POR: variants seen among roughly 807,000 people sequenced by gnomAD.
POR encodes cytochrome p450 oxidoreductase, also known as NADPH--cytochrome P450 reductase.
A neutral mutation model predicts 84.0 loss-of-function variants in POR; 56 were observed. The ratio of observed to expected loss-of-function variants is 0.67; its 90% CI spans 0.54 to 0.83. POR has a LOEUF of 0.83. POR is among the 40% of genes least tolerant of loss of function. The pLI is 0.00. For synonymous variants in POR, 414 were observed against 400.5 expected (o/e 1.03, Z -0.40); for missense variants, 938 against 944.3 (o/e 0.99, Z 0.09).
chr7:75,967,977 G>A, intron 2 of POR: 1 of 451,960 alleles, frequency 2.2e-6, no homozygotes, highest in Non-Finnish European at 4.4e-6. Context: ...TACGGAACAG[G>A]GGATGCACAG....
intron 2 of POR, among the ~76,000 whole-genome samples, chr7:75,954,910 G>A (rs1323421864): frequency 6.6e-6 from 1 of 152,066 alleles, no homozygotes; most frequent in Non-Finnish European, 1.5e-5. Flanking sequence ...GTCTCACCAT[G>A]TTGGCCAGGC....
At position 75,985,906 on chromosome 7, in the gene POR, C is replaced by A; in HGVS notation, c.1670-17C>A. On this transcript the variant is annotated splice_polypyrimidine_tract_variant and intron_variant, in intron 13 of 15. Coordinates refer to ENST00000461988, the MANE Select transcript of POR (RefSeq NM_000941.3). ...ACGACTGGGAGCCCCGCGCTCACCCCGGCCCCTGCCACGCAGGCAAGGAGG... is the reference window on the plus strand; with the variant it reads ...ACGACTGGGAGCCCCGCGCTCACCCAGGCCCCTGCCACGCAGGCAAGGAGG... The A allele has an allele frequency of 6.4e-7, 1 of 1,570,576 alleles. No homozygotes were observed. Among genetic ancestry groups the A allele is most frequent in the Non-Finnish European group, 8.6e-7 (1 of 1,157,004 alleles).
intron 1 of POR, among the ~76,000 whole-genome samples, chr7:75,931,874 C>T (rs1363349805): frequency 6.6e-6 from 1 of 152,206 alleles, no homozygotes; most frequent in Admixed American, 6.5e-5. Context: ...ACCAGAAAAG[C>T]TGAGGCCACT....
Position 75,985,778 on chromosome 7 carries a change from T to C in POR, c.1598T>C (p.Met533Thr). 1 of 1,575,706 alleles carries C rather than the reference T, an allele frequency of 6.3e-7. No homozygotes were observed. The highest frequency in any genetic ancestry group is 8.6e-7 in the Non-Finnish European group (1 of 1,161,556). ...TTCAAGGCCACCACGCCTGTCATCA[T>C]GGTGGGCCCCGGCACCGGGGTGGCA... Residue 533 changes from methionine to threonine, a missense_variant, in exon 13 of 16, where the codon ATG (methionine) becomes ACG (threonine). Transcript: ENST00000461988.
intron 9 of POR, 45 bp from the exon 10 acceptor site, chr7:75,983,693 C>T: frequency 2.5e-6 from 4 of 1,607,116 alleles, no homozygotes; most frequent in Non-Finnish European, 2.6e-6. Context: ...TGACCTGGGG[C>T]AGGGCCAGCC....
Position 75,969,556 on chromosome 7 carries a change from A to G in POR, c.189-2857A>G, listed in dbSNP as rs182006005. ...GTTACCCGCCAGGCACTCACGGGGC[A>G]CTGGAGTTTGCTCTTGTCCTTTTCT... is the stretch of plus-strand genomic sequence containing the variant. On this transcript the variant is annotated intron_variant, in intron 2 of 15. Coordinates refer to ENST00000461988, the MANE Select transcript of POR (RefSeq NM_000941.3). Among the ~76,000 whole-genome samples, 23 of 152,318 alleles carry G rather than the reference A, an allele frequency of 1.5e-4. 1 individual carries two copies. Among genetic ancestry groups the G allele is most frequent in the Admixed American group, 1.5e-3 (23 of 15,306 alleles).
At position 75,938,753 on chromosome 7, in the gene POR, C is replaced by A. The variant is rs74933323; in HGVS notation, c.-4-15236C>A. The stretch of plus-strand genomic sequence containing the variant: ...CAGCCTTGGTGACTCCAGCCTGTTC[C>A]GTGAATGAATGAATGCTTATCTCTT... On this transcript the variant is annotated intron_variant, in intron 1 of 15. Coordinates refer to ENST00000461988, the MANE Select transcript of POR (RefSeq NM_000941.3). 9.8e-3 allele frequency among the ~76,000 whole-genome samples: 1,499 copies of A among 152,246 alleles called. 21 individuals carry two copies. The highest frequency in any genetic ancestry group is 0.031 in the African/African-American group (1,304 of 41,532).
chr7:75,985,523 C>CG, intron 12 of POR, 56 bp from the exon 13 acceptor site: 1 of 1,460,474 alleles, frequency 6.8e-7, no homozygotes, highest in Non-Finnish European at 9.1e-7. Context: ...GACTTGGGGC[C>CG]GGGGCTGGGC....
At chr7:75,954,328 T>C in intron 2 of POR, 148 bp downstream of exon 2, 1 of 788,808 alleles carries the variant, frequency 1.3e-6, no homozygotes, top group Non-Finnish European at 2.0e-6. Context: ...TGCTAGATTG[T>C]GCTTGAGCTC....
At chr7:75,926,473 T>G (rs1807132870) in intron 1 of POR, among the ~76,000 whole-genome samples, 1 of 152,036 alleles carries the variant, frequency 6.6e-6, no homozygotes, top group African/African-American at 2.4e-5. Context: ...GTCTGGGAGA[T>G]TCTGTTCATT....
intron 3 of POR, among the ~76,000 whole-genome samples, chr7:75,974,202 G>A (rs1490356571): frequency 2.0e-5 from 3 of 151,994 alleles, no homozygotes; most frequent in South Asian, 2.1e-4. Context: ...TATGTAGCTC[G>A]GTTTGCACAT....
At chr7:75,925,272 C>T (rs1460150928) in intron 1 of POR, among the ~76,000 whole-genome samples, 1 of 152,142 alleles carries the variant, frequency 6.6e-6, no homozygotes, top group Non-Finnish European at 1.5e-5. Context: ...CTCTGGGAGG[C>T]TGAGGCAGGA....
chr7:75,961,612 C>T (rs376184002), intron 2 of POR, among the ~76,000 whole-genome samples: 2 of 152,220 alleles, frequency 1.3e-5, no homozygotes, highest in African/African-American at 2.4e-5. Context: ...ACTCACTCCT[C>T]GCCGGTCTTA....
chr7:75,985,423 C>A lies in POR; in HGVS notation c.1399-156C>A, dbSNP rs550422111. 8.7e-6 allele frequency: 10 copies of A among 1,151,772 alleles called. No homozygotes were observed. The East Asian group carries it at 2.6e-4, about 30-fold the overall frequency. 71.3% of individuals were successfully genotyped at this position (1,151,772 alleles called of 1,614,324 possible). ...CCAGCCCCGGTCCCCAGAACCAGTC[C>A]GGGAAGCCGCTGGGGAGGGGGCCTC... On this transcript the variant is annotated intron_variant, in intron 12 of 15. Coordinates refer to ENST00000461988, the MANE Select transcript of POR (RefSeq NM_000941.3).
intron 5 of POR, 135 bp from the exon 6 acceptor site, chr7:75,980,913 G>A (rs1554557690): frequency 1.8e-5 from 21 of 1,186,592 alleles, no homozygotes; most frequent in South Asian, 3.3e-5. Flanking sequence ...AGTGCGAGGC[G>A]CCTGGTGGAA....
chr7:75,981,894 C>A lies in POR; in HGVS notation c.731+288C>A, dbSNP rs564158426. 10 of 571,224 alleles carry A rather than the reference C, an allele frequency of 1.8e-5. No individual in the cohort carries two copies. The South Asian group carries it at 2.2e-4, about 13-fold the overall frequency. The allele number at this position is 571,224 out of a possible 1,614,324, so 35.4% of individuals were successfully genotyped here. A position where few individuals can be genotyped will look rare whatever the true frequency, so the allele number is the denominator to read the frequency against. ...CTCATTTCCTTAAAATCTGCCTCCA[C>A]AGACTTGGCCAAAAACATAACGTTC... On this transcript the variant is annotated intron_variant, in intron 7 of 15. Coordinates refer to ENST00000461988, the MANE Select transcript of POR (RefSeq NM_000941.3).
In POR at chr7:75,979,432, C is replaced by G. The variant is rs184964276; in HGVS notation, c.238-19C>G. ...CTGAGGTCTGTGGCCCTCACCAACC[C>G]TGTGTCTGCCTTCCTTAGGGGAGGA... On this transcript the variant is annotated intron_variant, in intron 3 of 15. Coordinates refer to ENST00000461988, the MANE Select transcript of POR (RefSeq NM_000941.3). The G allele has an allele frequency of 7.4e-6, 12 of 1,611,020 alleles. No homozygotes were observed. The African/African-American group carries it at 1.5e-4, about 20-fold the overall frequency.
Position 75,940,054 on chromosome 7 carries a change from G to A in POR, c.-4-13935G>A, listed in dbSNP as rs575181250. Among the ~76,000 whole-genome samples, 11 of 151,552 alleles carry A rather than the reference G, an allele frequency of 7.3e-5. No individual in the cohort carries two copies. In the East Asian group the frequency reaches 1.4e-3, roughly 19 times the overall value. Reference sequence around the variant, plus strand: ...GCTGGGACTACAGACCTGAGCCAACGCTCCCCACCTCTTTACTCTTATTTT... The same window carrying A: ...GCTGGGACTACAGACCTGAGCCAACACTCCCCACCTCTTTACTCTTATTTT... On this transcript the variant is annotated intron_variant, in intron 1 of 15. Transcript: ENST00000461988.
At chr7:75,915,204 G>C (rs1554547900) in intron 1 of POR, 25 bp downstream of exon 1, 2 of 154,468 alleles carry the variant, frequency 1.3e-5, no homozygotes, top group Admixed American at 6.5e-5. Flanking sequence ...TCGCGGCGAC[G>C]GCGGGGTGGG....
Sources: gnomAD v4.1 joint callset for allele counts (sites outside exome capture counted in the v4.1 genomes callset) on GRCh38, gnomAD v4.1.1 for gene constraint, MANE v1.5 for transcripts, NCBI Gene and HGNC (gene_info 2026-07-23, HGNC 2026-07-21) for gene names.